Variants in RAVER1 observed in about 807,000 individuals in gnomAD.
RAVER1 encodes the protein ribonucleoprotein, PTB binding 1, also known as ribonucleoprotein PTB-binding 1.
In RAVER1, 36 loss-of-function variants were observed where a neutral mutation model predicts 68.4. The observed-to-expected ratio is 0.53, with a 90% CI of 0.40 to 0.70. The LOEUF (loss-of-function observed/expected upper bound fraction) is 0.70, where lower values mean the gene tolerates loss of function less well. Ranked by LOEUF, RAVER1 falls within the 30% of genes least tolerant of loss-of-function variation. The pLI, the probability that RAVER1 is intolerant of heterozygous loss-of-function variation, is 0.00. For synonymous variants in RAVER1, 469 were observed against 472.7 expected, an observed-to-expected ratio of 0.99 and a Z score of 0.10; for missense variants, 933 against 1,019.8, an observed-to-expected ratio of 0.91 and a Z score of 1.16.
At position 10,328,548 on chromosome 19, in the gene RAVER1, T is replaced by C; in HGVS notation, c.756+94A>G. The C allele has an allele frequency of 1.3e-6, 1 of 778,214 alleles. No homozygotes were observed. The highest frequency in any genetic ancestry group is 3.7e-4 in the Middle Eastern group (1 of 2,728). The allele number at this position is 778,214 out of a possible 1,614,324, so 48.2% of individuals were successfully genotyped here. On this transcript the variant is annotated intron_variant, in intron 3 of 12. Coordinates refer to ENST00000617231, the MANE Select transcript of RAVER1 (RefSeq NM_133452.3). This position sits in a 1 kb window ranked among gnomAD's most constrained non-coding sequence, Gnocchi z 4.4. ...GCATGGGTGACAAAGTGAGACTGTC[T>C]CAAAAAAAAAAAAGAAAAGGCAGAT...
At chr19:10,331,383 A>C (rs12983582) in intron 1 of RAVER1, among the ~76,000 whole-genome samples, 1 of 58,208 alleles carries the variant, frequency 1.7e-5, no homozygotes, top group African/African-American at 7.4e-5. Context: ...AAAAAAAAAA[A>C]TAACAACAAC....
intron 9 of RAVER1, among the ~76,000 whole-genome samples, chr19:10,320,179 CAG>C (rs894332077): frequency 6.6e-6 from 1 of 151,988 alleles, no homozygotes; most frequent in African/African-American, 2.4e-5. Context: ...GGACCGGAAG[CAG>C]GGGGTGATGT....
At position 10,323,398 on chromosome 19, in the gene RAVER1, C is replaced by T. The variant is rs780187472; in HGVS notation, c.925G>A (p.Ala309Thr). 8 of 1,604,926 alleles carry T rather than the reference C, an allele frequency of 5.0e-6. No homozygotes were observed. The highest frequency in any genetic ancestry group is 1.1e-5 in the South Asian group (1 of 90,176). ...ACCGTGGCCTGGGCAGCGATGAGAG[C>T]GGCCAGCATACTGCGGCCGGGGGGC... Reference protein sequence around the residue: ...PGPPGRSMLAALIAAQATALN... With the variant: ...PGPPGRSMLATLIAAQATALN... Residue 309 changes from alanine (A) to threonine (T), a missense_variant, in exon 4 of 13, where the codon GCT (alanine) becomes ACT (threonine). Coordinates refer to ENST00000617231, the MANE Select transcript of RAVER1 (RefSeq NM_133452.3). The surrounding 1 kb of genome is among the most constrained non-coding windows in gnomAD (Gnocchi z 6.2).
At position 10,320,780 on chromosome 19, in the gene RAVER1, G is replaced by A; in HGVS notation, c.1645C>T (p.Pro549Ser). The change falls in exon 9 of 13, where the codon CCT becomes TCT. Residue 549 changes from proline to serine, a missense_variant. This residue lies in a region of RAVER1 where 699 missense variants were observed against 731.1 expected (regional missense o/e 0.96). Coordinates refer to ENST00000617231, the MANE Select transcript of RAVER1 (RefSeq NM_133452.3). ...TTGCTGCTGCTGCTGCCACCTCCAG[G>A]GGCTGGGGGGTTAGTTGGGGGGCCC... ...AEGPPTNPPA[P>S]GGGSSSSKAF... 1.3e-6 allele frequency: 2 copies of A among 1,512,746 alleles called. No individual in the cohort carries two copies. Among genetic ancestry groups the A allele is most frequent in the Non-Finnish European group, 1.8e-6 (2 of 1,139,496 alleles). 93.7% of individuals were successfully genotyped at this position (1,512,746 alleles called of 1,614,324 possible).
chr19:10,320,735 G>A lies in RAVER1; in HGVS notation c.1690C>T (p.Arg564Cys), dbSNP rs749718676. The A allele has an allele frequency of 2.4e-5, 37 of 1,530,876 alleles. No individual in the cohort carries two copies. The highest frequency in any genetic ancestry group is 1.0e-4 in the African/African-American group (7 of 69,754). 94.8% of individuals were successfully genotyped at this position (1,530,876 alleles called of 1,614,324 possible). ...GCGCTGCTGAGGGGGCTGAGCAGGC[G>A]GGACTTGAGCTGGAAGGCTTTGCTG... ...SSSKAFQLKS[R>C]LLSPLSSARL... Residue 564 changes from arginine (R) to cysteine (C), a missense_variant, in exon 9 of 13, where the codon CGC becomes TGC. Physicochemically the swap from Arg to Cys is radical, Grantham distance 180 (BLOSUM62 -3). Around this residue, in one of 3 missense-constraint regions of RAVER1, gnomAD observed 699 missense variants for 731.1 expected, o/e 0.96. Coordinates refer to ENST00000617231, the MANE Select transcript of RAVER1 (RefSeq NM_133452.3).
Position 10,333,266 on chromosome 19 carries a change from T to C in RAVER1, c.219+23A>G, listed in dbSNP as rs764912380. The C allele has an allele frequency of 1.2e-5, 19 of 1,606,670 alleles. No homozygotes were observed. The African/African-American group carries it at 2.3e-4, about 19-fold the overall frequency. On this transcript the variant is annotated intron_variant, in intron 1 of 12. Coordinates refer to ENST00000617231, the MANE Select transcript of RAVER1 (RefSeq NM_133452.3). This position sits in a 1 kb window ranked among gnomAD's most constrained non-coding sequence, Gnocchi z 4.2. ...CGCACCGTGGTATTTCCCGCCACGC[T>C]CCTACACCGCCCCCCCCAATACCTG...
In RAVER1 at chr19:10,316,686, T is replaced by G; in HGVS notation, c.*768A>C. 2.0e-6 allele frequency: 1 copy of G among 494,246 alleles called. No individual in the cohort carries two copies. Among genetic ancestry groups the G allele is most frequent in the African/African-American group, 2.1e-5 (1 of 47,914 alleles). The allele number at this position is 494,246 out of a possible 1,614,324, so 30.6% of individuals were successfully genotyped here. A position where few individuals can be genotyped will look rare whatever the true frequency, so the allele number is the denominator to read the frequency against. ...CTTTCCCCTTCTACTGTCCCCAGGG[T>G]GGAGATCCTGGGTAGGGTGGCCCAA... On this transcript the variant is annotated 3_prime_UTR_variant, in exon 13 of 13. Coordinates refer to ENST00000617231, the MANE Select transcript of RAVER1 (RefSeq NM_133452.3).
At position 10,328,699 on chromosome 19, in the gene RAVER1, G is replaced by A. The variant is rs1202335796; in HGVS notation, c.699C>T (p.Asn233=). The A allele has an allele frequency of 2.5e-6, 4 of 1,605,714 alleles. No individual in the cohort carries two copies. The highest frequency in any genetic ancestry group is 1.3e-5 in the African/African-American group (1 of 74,942). Residue 233 remains asparagine (N), a synonymous_variant, in exon 3 of 13, where the codon AAC becomes AAT. Coordinates refer to ENST00000617231, the MANE Select transcript of RAVER1 (RefSeq NM_133452.3). This position sits in a 1 kb window ranked among gnomAD's most constrained non-coding sequence, Gnocchi z 4.4. ...LCVDRLPPGF[N]DVDALCRALS... ...GCGCCCGGCACAGAGCGTCCACATC[G>A]TTGAAGCCAGGTGGCAGGCGGTCCA... is the stretch of plus-strand genomic sequence containing the variant.
Position 10,317,871 on chromosome 19 carries a change from C to T in RAVER1, c.1990-98G>A, listed in dbSNP as rs955090189. On this transcript the variant is annotated intron_variant, in intron 11 of 12. Transcript: ENST00000617231. This position sits in a 1 kb window ranked among gnomAD's most constrained non-coding sequence, Gnocchi z 4.3. ...ACTGCCCCCCAGCCCTGAGGGAAAG[C>T]GAACAGTTTCAGGTTCAAATCTTGC... 8 of 741,050 alleles carry T rather than the reference C, an allele frequency of 1.1e-5. No individual in the cohort carries two copies. Among genetic ancestry groups the T allele is most frequent in the African/African-American group, 8.9e-5 (5 of 55,924 alleles). 45.9% of individuals were successfully genotyped at this position (741,050 alleles called of 1,614,324 possible).
rs781694037 is a variant in RAVER1 at position 10,317,740 on chromosome 19, C to A, written c.2023G>T (p.Gly675Trp). The part of the protein sequence containing the change: ...IGSSPLGSGE[G>W]LLGLSPGPNG... ...GGCCCGGGGCTGAGGCCCAGGAGCC[C>A]TTCTCCGGACCCCAGCGGGGAAGAG... The change falls in exon 12 of 13, where the codon GGG becomes TGG. Residue 675 changes from glycine (G) to tryptophan (W), a missense_variant. Transcript: ENST00000617231. This position sits in a 1 kb window ranked among gnomAD's most constrained non-coding sequence, Gnocchi z 4.3. The A allele has an allele frequency of 1.3e-6, 2 of 1,597,118 alleles. No homozygotes were observed. The highest frequency in any genetic ancestry group is 8.5e-7 in the Non-Finnish European group (1 of 1,172,882).
At position 10,333,517 on chromosome 19, in the gene RAVER1, C is replaced by A; in HGVS notation, c.-10G>T. 1 of 1,593,744 alleles carries A rather than the reference C, an allele frequency of 6.3e-7. No homozygotes were observed. The highest frequency in any genetic ancestry group is 8.5e-7 in the Non-Finnish European group (1 of 1,171,074). ...ACACGTCCGCCGCCATCTTGGGAAA[C>A]CCGGCGCCTTCTGGGACCAGCGAGC... On this transcript the variant is annotated 5_prime_UTR_variant, in exon 1 of 13. Coordinates refer to ENST00000617231, the MANE Select transcript of RAVER1 (RefSeq NM_133452.3). This position sits in a 1 kb window ranked among gnomAD's most constrained non-coding sequence, Gnocchi z 4.2.
intron 6 of RAVER1, chr19:10,321,939 T>A (rs771542006): frequency 8.0e-5 from 17 of 213,326 alleles, no homozygotes; most frequent in Non-Finnish European, 1.5e-4. Flanking sequence ...ACCCACAGGC[T>A]CACATATTCT....
intron 3 of RAVER1, among the ~76,000 whole-genome samples, chr19:10,325,543 T>C (rs1219619884): frequency 6.6e-6 from 1 of 152,058 alleles, no homozygotes; most frequent in Non-Finnish European, 1.5e-5. Context: ...GGTTTTACCA[T>C]GTTGGCCAGG....
chr19:10,329,252 C>T lies in RAVER1; in HGVS notation c.287-141G>A, dbSNP rs562633244. 4 of 603,220 alleles carry T rather than the reference C, an allele frequency of 6.6e-6. No homozygotes were observed. The highest frequency in any genetic ancestry group is 2.9e-5 in the East Asian group (1 of 34,684). 37.4% of individuals were successfully genotyped at this position (603,220 alleles called of 1,614,324 possible). On this transcript the variant is annotated intron_variant, in intron 2 of 12. Transcript: ENST00000617231. The surrounding 1 kb of genome is among the most constrained non-coding windows in gnomAD (Gnocchi z 4.6). ...TGATCTGAGCAGTTGCCAGCCTTGG[C>T]GACTCACACAGGCGAGAGCGCCTGC...
intron 1 of RAVER1, among the ~76,000 whole-genome samples, chr19:10,330,764 G>C (rs1343310915): frequency 6.6e-6 from 1 of 152,204 alleles, no homozygotes; most frequent in African/African-American, 2.4e-5. Flanking sequence ...CATGCTCTTA[G>C]AGGGTATACC....
intron 2 of RAVER1, among the ~76,000 whole-genome samples, chr19:10,330,078 G>A (rs185151117): frequency 1.3e-5 from 2 of 150,206 alleles, no homozygotes; most frequent in Admixed American, 6.7e-5. Context: ...AGCCGAGCTC[G>A]CGCCACTGCA....
At chr19:10,318,612 G>A (rs1201788293) in intron 10 of RAVER1, among the ~76,000 whole-genome samples, 1 of 151,968 alleles carries the variant, frequency 6.6e-6, no homozygotes, top group Non-Finnish European at 1.5e-5. Context: ...CGCCCACCTC[G>A]GCCTCCCAAA....
In RAVER1 at chr19:10,320,798, G is replaced by T. The variant is rs763831915; in HGVS notation, c.1627C>A (p.Pro543Thr). Residue 543 changes from proline (P) to threonine (T), a missense_variant, in exon 9 of 13, where the codon CCA becomes ACA. By Grantham distance (38) the Pro-to-Thr change is conservative (BLOSUM62 -1). Transcript: ENST00000617231. ...GRSRRPAEGP[P>T]TNPPAPGGGS... Reference sequence around the variant, plus strand: ...CCTCCAGGGGCTGGGGGGTTAGTTGGGGGGCCCTCAGCTGGGCGGCGGCTT... The same window carrying T: ...CCTCCAGGGGCTGGGGGGTTAGTTGTGGGGCCCTCAGCTGGGCGGCGGCTT... 5 of 1,517,484 alleles carry T rather than the reference G, an allele frequency of 3.3e-6. No homozygotes were observed. The South Asian group carries it at 6.4e-5, about 19-fold the overall frequency. The allele number at this position is 1,517,484 out of a possible 1,614,324, so 94.0% of individuals were successfully genotyped here.
In RAVER1 at chr19:10,317,340, G is replaced by T; in HGVS notation, c.*114C>A. 4.1e-6 allele frequency: 5 copies of T among 1,216,568 alleles called. No homozygotes were observed. The highest frequency in any genetic ancestry group is 6.0e-6 in the Non-Finnish European group (5 of 838,538). 75.4% of individuals were successfully genotyped at this position (1,216,568 alleles called of 1,614,324 possible). On this transcript the variant is annotated 3_prime_UTR_variant, in exon 13 of 13. Transcript: ENST00000617231. This position sits in a 1 kb window ranked among gnomAD's most constrained non-coding sequence, Gnocchi z 4.3. ...TGATTGGTCAGTAAAGTCTTTCAGAGATTTTTCTATTACCGAAAGAGAGAA... is the reference window on the plus strand; with the variant it reads ...TGATTGGTCAGTAAAGTCTTTCAGATATTTTTCTATTACCGAAAGAGAGAA...
Sources: allele counts gnomAD v4.1 joint callset (sites outside exome capture counted in the v4.1 genomes callset), GRCh38; gene constraint gnomAD v4.1.1; regional missense constraint gnomAD v4.1.1; non-coding constraint Gnocchi (gnomAD v3.1); transcripts MANE v1.5; gene names NCBI Gene and HGNC (gene_info 2026-07-23, HGNC 2026-07-21).